The following CSTPP1 variants were observed in gnomAD, a reference collection of about 807,000 sequenced individuals.
CSTPP1 encodes the protein centriolar satellite-associated tubulin polyglutamylase complex regulator 1.
At chr11:47,049,782 G>A in the CSTPP1 span, among the ~76,000 whole-genome samples, 1 of 151,764 alleles carries the variant, frequency 6.6e-6, no homozygotes, top group African/African-American at 2.4e-5. Context: ...GCACCACCAT[G>A]CCTGGCTGAT....
the CSTPP1 span, among the ~76,000 whole-genome samples, chr11:46,938,021 T>C: frequency 6.6e-6 from 1 of 151,956 alleles, no homozygotes; most frequent in Admixed American, 6.6e-5. Context: ...ATTACAGGCA[T>C]GCGCCACCAC....
At chr11:46,937,007 C>G in the CSTPP1 span, among the ~76,000 whole-genome samples, 1 of 151,896 alleles carries the variant, frequency 6.6e-6, no homozygotes, top group African/African-American at 2.4e-5. Flanking sequence ...CCTGTAAGGC[C>G]GAGCAGGAAG....
the CSTPP1 span, among the ~76,000 whole-genome samples, chr11:47,120,553 ATGATGGGGTGG>A: frequency 1.3e-5 from 2 of 152,368 alleles, no homozygotes; most frequent in South Asian, 4.1e-4. This position sits in a 1 kb window ranked among gnomAD's most constrained non-coding sequence, Gnocchi z 4.2. Flanking sequence ...GCTGAGAACA[ATGATGGGGTGG>A]TGATGGGTCA....
chr11:47,162,960 G>A, the CSTPP1 span, among the ~76,000 whole-genome samples: 364 of 152,206 alleles, frequency 2.4e-3, 1 homozygote, highest in African/African-American at 8.0e-3. Context: ...TGGGCCAACT[G>A]CTTGAGCCCA....
the CSTPP1 span, among the ~76,000 whole-genome samples, chr11:47,087,168 C>A: frequency 6.6e-6 from 1 of 152,004 alleles, no homozygotes; most frequent in Admixed American, 6.6e-5. Flanking sequence ...TTTAAAAAAT[C>A]ATTATTTGCA....
chr11:46,976,049 G>A, the CSTPP1 span, among the ~76,000 whole-genome samples: 1 of 152,108 alleles, frequency 6.6e-6, no homozygotes, highest in Non-Finnish European at 1.5e-5. Context: ...TAGGAGAGTG[G>A]TGGAGAAAAA....
chr11:47,106,976 T>C, the CSTPP1 span, among the ~76,000 whole-genome samples: 1 of 152,172 alleles, frequency 6.6e-6, no homozygotes, highest in Admixed American at 6.5e-5. Context: ...GGATACGCTG[T>C]TTCCCGTTCT....
chr11:47,035,521 C>A, the CSTPP1 span, among the ~76,000 whole-genome samples: 1 of 152,172 alleles, frequency 6.6e-6, no homozygotes, highest in Non-Finnish European at 1.5e-5. Flanking sequence ...GCAATAGCAA[C>A]AGGAGTTGGC....
At chr11:47,135,969 TTAAG>T in the CSTPP1 span, among the ~76,000 whole-genome samples, 24 of 148,458 alleles carry the variant, frequency 1.6e-4, 1 homozygote, top group East Asian at 4.9e-3. Flanking sequence ...TCTTTCTTAA[TTAAG>T]TAACTCTCTC....
At chr11:47,159,522 A>T in the CSTPP1 span, 1 of 417,092 alleles carries the variant, frequency 2.4e-6, no homozygotes, top group Admixed American at 3.0e-5. Context: ...AAGAAAAAAA[A>T]AACAAAAACA....
At chr11:47,135,464 T>A in the CSTPP1 span, among the ~76,000 whole-genome samples, 4 of 152,302 alleles carry the variant, frequency 2.6e-5, no homozygotes, top group East Asian at 7.7e-4. Context: ...CTATCAGTGT[T>A]CTGATTTTGA....
the CSTPP1 span, among the ~76,000 whole-genome samples, chr11:47,033,559 C>T: frequency 6.6e-6 from 1 of 152,176 alleles, no homozygotes; most frequent in Non-Finnish European, 1.5e-5. Context: ...GGGACCCTTC[C>T]CCCACCTTCT....
At chr11:47,141,034 T>G in the CSTPP1 span, among the ~76,000 whole-genome samples, 3 of 152,250 alleles carry the variant, frequency 2.0e-5, no homozygotes, top group East Asian at 5.9e-4. Flanking sequence ...CTGCAACAAC[T>G]ATATCCTATA....
At chr11:46,981,850 T>C in the CSTPP1 span, among the ~76,000 whole-genome samples, 1 of 152,108 alleles carries the variant, frequency 6.6e-6, no homozygotes, top group Admixed American at 6.6e-5. Context: ...TTAAGGGAAA[T>C]TGGTCTAGTG....
the CSTPP1 span, among the ~76,000 whole-genome samples, chr11:47,118,019 A>G: frequency 6.6e-6 from 1 of 151,138 alleles, no homozygotes; most frequent in Non-Finnish European, 1.5e-5. Context: ...AGCTGGGATT[A>G]CAGGTGCCTG....
At chr11:47,130,948 A>G in the CSTPP1 span, 2 of 152,192 alleles carry the variant, frequency 1.3e-5, no homozygotes, top group African/African-American at 2.4e-5. Flanking sequence ...TGGTAGTACT[A>G]TTGAGATCAT....
the CSTPP1 span, chr11:47,154,933 A>C: frequency 1.8e-6 from 1 of 546,890 alleles, no homozygotes; most frequent in Non-Finnish European, 3.3e-6. Context: ...CGCTCTGGGT[A>C]CAGTGTGGTC....
the CSTPP1 span, chr11:47,138,025 A>ACT: frequency 2.4e-6 from 1 of 417,618 alleles, no homozygotes; most frequent in Non-Finnish European, 4.3e-6. Context: ...ACACACACAC[A>ACT]CCCTAGAGGA....
chr11:46,997,873 G>A, the CSTPP1 span, among the ~76,000 whole-genome samples: 593 of 152,278 alleles, frequency 3.9e-3, 2 homozygotes, highest in African/African-American at 0.014. Flanking sequence ...CTGCAGAACC[G>A]CAAATATTGC....
Sources: gnomAD v4.1 joint callset for allele counts (sites outside exome capture counted in the v4.1 genomes callset) on GRCh38, gnomAD v4.1.1 for gene constraint, Gnocchi (gnomAD v3.1) non-coding constraint, MANE v1.5 for transcripts, NCBI Gene and HGNC (gene_info 2026-07-23, HGNC 2026-07-21) for gene names.